The following NDUFA10 variants were observed in gnomAD, a reference collection of about 807,000 sequenced individuals.
NDUFA10 encodes the protein NADH dehydrogenase [ubiquinone] 1 alpha subcomplex subunit 10, mitochondrial.
A neutral mutation model predicts 47.8 loss-of-function variants in NDUFA10; 40 were observed. The observed-to-expected ratio is 0.84, with a 90% CI of 0.65 to 1.09. NDUFA10 has a LOEUF of 1.09. NDUFA10 is among the 50% of genes least tolerant of loss of function. The probability of loss-of-function intolerance (pLI) is 0.00; values close to 1 mark genes in which losing one functional copy is unlikely to be tolerated. For missense variants in NDUFA10, 413 were observed against 451.1 expected (o/e 0.92, Z 0.76); for synonymous variants, 183 against 172.2 (o/e 1.06, Z -0.49).
chr2:239,983,070 C>T (rs1475947845), intron 9 of NDUFA10, among the ~76,000 whole-genome samples: 1 of 152,210 alleles, frequency 6.6e-6, no homozygotes, highest in Non-Finnish European at 1.5e-5. Flanking sequence ...TATTCGCTTC[C>T]TTGTCTGCTA....
chr2:239,988,114 TA>T (rs999452410), intron 9 of NDUFA10, among the ~76,000 whole-genome samples: 8 of 152,052 alleles, frequency 5.3e-5, no homozygotes, highest in Admixed American at 3.3e-4. Flanking sequence ...ATATTCAGAA[TA>T]AAAAATTTAA....
intron 9 of NDUFA10, among the ~76,000 whole-genome samples, chr2:239,971,075 C>A (rs1459895139): frequency 2.0e-5 from 3 of 152,226 alleles, no homozygotes; most frequent in Non-Finnish European, 4.4e-5. Context: ...CCTACTACTG[C>A]TCTAGGCAGT....
chr2:239,971,330 G>T (rs888862566), intron 9 of NDUFA10, among the ~76,000 whole-genome samples: 2 of 152,218 alleles, frequency 1.3e-5, no homozygotes, highest in African/African-American at 4.8e-5. Context: ...CAGCTGACTT[G>T]CTATTCCTGG....
At chr2:239,951,873 G>T (rs1167418240) in intron 4 of NDUFA10, among the ~76,000 whole-genome samples, 8 of 152,266 alleles carry the variant, frequency 5.3e-5, no homozygotes, top group Non-Finnish European at 7.3e-5. Flanking sequence ...CAGCGGGAAG[G>T]ACAGTGGGAC....
At chr2:239,982,054 G>C in intron 9 of NDUFA10, 1 of 1,606,382 alleles carries the variant, frequency 6.2e-7, no homozygotes, top group East Asian at 2.2e-5. Flanking sequence ...CACACGTTCT[G>C]TGGAATGTCC....
intron 9 of NDUFA10, among the ~76,000 whole-genome samples, chr2:239,973,351 A>G (rs1695376304): frequency 6.6e-6 from 1 of 152,212 alleles, no homozygotes; most frequent in Non-Finnish European, 1.5e-5. Flanking sequence ...AACTGATCCT[A>G]GTGCCTTTCT....
At chr2:239,898,998 GGAGAGGTGTGA>G (rs1693464382) in intron 4 of NDUFA10, among the ~76,000 whole-genome samples, 2 of 128,412 alleles carry the variant, frequency 1.6e-5, no homozygotes, top group Admixed American at 7.7e-5. Context: ...GAGGTGTGAT[GGAGAGGTGTGA>G]TGGAGGGGAG....
At chr2:239,955,897 C>T (rs143312464), downstream of NDUFA10, among the ~76,000 whole-genome samples, 232 of 152,264 alleles carry the variant, frequency 1.5e-3, no homozygotes, top group African/African-American at 5.4e-3. Context: ...TGGGGCAGGG[C>T]AGCAGAGCCC....
Position 239,958,090 on chromosome 2 carries a change from C to T in NDUFA10, c.*3028G>A, listed in dbSNP as rs1015965099. 3 of 152,210 alleles carry T rather than the reference C, an allele frequency of 2.0e-5. No individual in the cohort carries two copies. The highest frequency in any genetic ancestry group is 4.1e-4 in the South Asian group (2 of 4,826). 9.4% of individuals were successfully genotyped at this position (152,210 alleles called of 1,614,324 possible). A position where few individuals can be genotyped will look rare whatever the true frequency, so the allele number is the denominator to read the frequency against. On this transcript the variant is annotated 3_prime_UTR_variant, in exon 10 of 10. Transcript: ENST00000252711. ...TCCACATGTAAAGCCCCAGATCACTCGGGCACCTGCTTCCATTCATGGAAT... is the reference window on the plus strand; with the variant it reads ...TCCACATGTAAAGCCCCAGATCACTTGGGCACCTGCTTCCATTCATGGAAT...
downstream of NDUFA10, among the ~76,000 whole-genome samples, chr2:239,953,031 T>A (rs1365054634): frequency 6.6e-6 from 1 of 152,000 alleles, no homozygotes; most frequent in Non-Finnish European, 1.5e-5. Flanking sequence ...CGGCCCAAGG[T>A]GGGGACTGTG....
intron 8 of NDUFA10, among the ~76,000 whole-genome samples, chr2:239,990,440 C>T (rs572013586): frequency 5.9e-5 from 9 of 152,290 alleles, no homozygotes; most frequent in African/African-American, 2.2e-4. Context: ...ATAGGACGAC[C>T]TTCTGGGAAT....
chr2:239,931,528 C>T (rs1331437054), intron 4 of NDUFA10, among the ~76,000 whole-genome samples: 9 of 152,010 alleles, frequency 5.9e-5, no homozygotes, highest in South Asian at 2.1e-4. Context: ...TTCCACCAAG[C>T]GGGGTCTCCT....
At chr2:239,988,404 G>A (rs756029606) in intron 9 of NDUFA10, among the ~76,000 whole-genome samples, 5 of 152,084 alleles carry the variant, frequency 3.3e-5, no homozygotes, top group Non-Finnish European at 5.9e-5. Flanking sequence ...CTCACAAAAC[G>A]GAAAGGGGGC....
intron 4 of NDUFA10, among the ~76,000 whole-genome samples, chr2:239,931,355 AT>A (rs1694170965): frequency 1.3e-5 from 2 of 152,142 alleles, no homozygotes; most frequent in African/African-American, 4.8e-5. Flanking sequence ...CTCTCCTTCG[AT>A]GACACTTGTC....
chr2:239,976,252 C>A (rs1030596849), intron 9 of NDUFA10, among the ~76,000 whole-genome samples: 1 of 152,212 alleles, frequency 6.6e-6, no homozygotes, highest in African/African-American at 2.4e-5. Flanking sequence ...GTAACCCCCA[C>A]GTGGCTTAGG....
chr2:240,018,274 G>A, intron 4 of NDUFA10: 2 of 795,602 alleles, frequency 2.5e-6, no homozygotes, highest in Non-Finnish European at 4.0e-6. Context: ...CTAACGGGAG[G>A]CTGTGGGGGC....
chr2:239,999,861 T>G (rs59503976), intron 8 of NDUFA10, among the ~76,000 whole-genome samples: 308 of 152,336 alleles, frequency 2.0e-3, no homozygotes, highest in African/African-American at 6.9e-3. Context: ...TGTGACAGGT[T>G]CCTGCCGGTT....
chr2:239,987,052 G>T lies in NDUFA10; in HGVS notation c.999+3022C>A, dbSNP rs1221750709. Among the ~76,000 whole-genome samples, 1 of 152,184 alleles carries T rather than the reference G, an allele frequency of 6.6e-6. No individual in the cohort carries two copies. The highest frequency in any genetic ancestry group is 1.5e-5 in the Non-Finnish European group (1 of 68,028). ...ACTGATCCAGATTCAAAGAGATGTA[G>T]CAGAGGAAACAATTCAATGCAGGCC... On this transcript the variant is annotated intron_variant, in intron 9 of 9. Transcript: ENST00000252711. The surrounding 1 kb of genome is among the most constrained non-coding windows in gnomAD (Gnocchi z 4.8).
At chr2:239,976,580 G>A (rs1695531820) in intron 9 of NDUFA10, 2 of 152,308 alleles carry the variant, frequency 1.3e-5, no homozygotes, top group Non-Finnish European at 2.9e-5. Flanking sequence ...TGTCTCTGCC[G>A]AGTCTCCAGG....
Sources: allele counts gnomAD v4.1 joint callset (sites outside exome capture counted in the v4.1 genomes callset), GRCh38; gene constraint gnomAD v4.1.1; non-coding constraint Gnocchi (gnomAD v3.1); transcripts MANE v1.5; gene names NCBI Gene and HGNC (gene_info 2026-07-23, HGNC 2026-07-21).